The following COPG2 variants were observed in gnomAD, a reference collection of about 807,000 sequenced individuals.
COPG2 encodes coatomer subunit gamma-2.
In COPG2, 37 loss-of-function variants were observed where a neutral mutation model predicts 46.3. The observed-to-expected ratio is 0.80, with a 90% CI of 0.61 to 1.05. COPG2 has a LOEUF of 1.05. Among genes scored for constraint, COPG2 ranks in the 50% least tolerant of loss-of-function variants. The probability of loss-of-function intolerance (pLI) is 0.00; values close to 1 mark genes in which losing one functional copy is unlikely to be tolerated. For synonymous variants in COPG2, 159 were observed against 129.7 expected (o/e 1.23, Z -1.53); for missense variants, 427 against 387.8 (o/e 1.10, Z -0.85).
chr7:130,574,882 T>C (rs1793976497), intron 9 of COPG2, among the ~76,000 whole-genome samples: 1 of 152,084 alleles, frequency 6.6e-6, no homozygotes, highest in Admixed American at 6.6e-5. Context: ...CAGGAAGCAC[T>C]GGACACACTC....
intron 4 of COPG2, among the ~76,000 whole-genome samples, chr7:130,656,781 T>C (rs1249163447): frequency 1.3e-5 from 2 of 151,968 alleles, no homozygotes; most frequent in African/African-American, 4.8e-5. Context: ...TATAAAATAC[T>C]GCAGACAGAA....
chr7:130,525,146 C>T (rs1200653737), intron 20 of COPG2, among the ~76,000 whole-genome samples: 1 of 151,980 alleles, frequency 6.6e-6, no homozygotes, highest in East Asian at 1.9e-4. Context: ...CATGTTGGGT[C>T]ACGTAAGTGA....
At chr7:130,598,510 G>A (rs1168183551) in intron 9 of COPG2, among the ~76,000 whole-genome samples, 2 of 152,180 alleles carry the variant, frequency 1.3e-5, no homozygotes, top group Non-Finnish European at 2.9e-5. Flanking sequence ...CCTAAGCCCA[G>A]GAAACCGGAT....
intron 5 of COPG2, among the ~76,000 whole-genome samples, chr7:130,631,780 C>T (rs368547498): frequency 1.1e-3 from 172 of 152,178 alleles, no homozygotes; most frequent in African/African-American, 3.6e-3. Context: ...TTTAAAATTA[C>T]GTAAACAAGG....
chr7:130,641,175 CAAAAAA>C (rs34617870), intron 5 of COPG2, among the ~76,000 whole-genome samples: 15 of 87,928 alleles, frequency 1.7e-4, no homozygotes, highest in Middle Eastern at 5.9e-3. Context: ...CCCTACCTCT[CAAAAAA>C]AAAAAAAAAA....
At chr7:130,568,155 G>A (rs1793834579) in intron 9 of COPG2, among the ~76,000 whole-genome samples, 1 of 152,018 alleles carries the variant, frequency 6.6e-6, no homozygotes, top group Non-Finnish European at 1.5e-5. Context: ...GATGCCTGTA[G>A]TCCCAGCTAC....
Position 130,647,581 on chromosome 7 carries a change from C to T in COPG2, c.323+5288G>A, listed in dbSNP as rs570626575. On this transcript the variant is annotated intron_variant, in intron 5 of 23. Transcript: ENST00000425248. Reference sequence around the variant, plus strand: ...ATAAGAAACTGCCAAAACTTTTCTACGGTGGTTGTATCATTCTACATTCCT... The same window carrying T: ...ATAAGAAACTGCCAAAACTTTTCTATGGTGGTTGTATCATTCTACATTCCT... 1.4e-4 allele frequency among the ~76,000 whole-genome samples: 22 copies of T among 152,030 alleles called. 1 individual carries two copies. Among genetic ancestry groups the T allele is most frequent in the Admixed American group, 1.0e-3 (16 of 15,276 alleles).
intron 18 of COPG2, among the ~76,000 whole-genome samples, chr7:130,548,810 C>T (rs1035175346): frequency 6.3e-4 from 95 of 151,694 alleles, no homozygotes; most frequent in Non-Finnish European, 6.3e-4. Context: ...CCCAGCTACT[C>T]GGGAGGCTGA....
chr7:130,559,882 T>A (rs1793690057), intron 12 of COPG2, among the ~76,000 whole-genome samples: 1 of 152,164 alleles, frequency 6.6e-6, no homozygotes, highest in African/African-American at 2.4e-5. Context: ...TGACTGAGTA[T>A]AAAAAAAGAA....
At chr7:130,526,862 T>C (rs1176665138) in intron 20 of COPG2, among the ~76,000 whole-genome samples, 3 of 77,360 alleles carry the variant, frequency 3.9e-5, no homozygotes, top group Non-Finnish European at 8.0e-5. Flanking sequence ...GATTTGGGAT[T>C]GGGTTTGGGA....
intron 4 of COPG2, among the ~76,000 whole-genome samples, chr7:130,661,585 G>A (rs1255750607): frequency 6.6e-6 from 1 of 152,160 alleles, no homozygotes; most frequent in South Asian, 2.1e-4. Context: ...TTGATTGAAG[G>A]TATTAATGAC....
intron 9 of COPG2, chr7:130,605,782 T>C: frequency 1.9e-6 from 1 of 518,916 alleles, no homozygotes; most frequent in African/African-American, 1.9e-5. Context: ...ACCAACATCT[T>C]CACTTTAGCC....
At chr7:130,554,347 A>G (rs991492470) in intron 14 of COPG2, 134 bp downstream of exon 14, 10 of 395,064 alleles carry the variant, frequency 2.5e-5, no homozygotes, top group Non-Finnish European at 4.5e-5. Context: ...ACAAAGAAAG[A>G]TATCTGGGCC....
chr7:130,522,109 G>A (rs1043169613), intron 20 of COPG2, among the ~76,000 whole-genome samples: 4 of 152,170 alleles, frequency 2.6e-5, no homozygotes, highest in Non-Finnish European at 4.4e-5. Context: ...GCACCAGAAA[G>A]ACAGTGGTAA....
At chr7:130,509,021 A>G (rs529650053) in intron 20 of COPG2, 38 of 464,014 alleles carry the variant, frequency 8.2e-5, no homozygotes, top group African/African-American at 6.3e-4. Context: ...CTGCTGTAGG[A>G]CCTGACCAAA....
intron 12 of COPG2, among the ~76,000 whole-genome samples, chr7:130,555,651 ATACCG>A (rs1324016040): frequency 2.7e-5 from 4 of 148,886 alleles, no homozygotes; most frequent in Non-Finnish European, 6.0e-5. Flanking sequence ...ATATGGTGAA[ATACCG>A]TTTCTACTAA....
chr7:130,662,243 C>T (rs782411510), intron 4 of COPG2, among the ~76,000 whole-genome samples: 2 of 152,268 alleles, frequency 1.3e-5, no homozygotes, highest in African/African-American at 2.4e-5. Context: ...ACTCCTAAAA[C>T]CTCTCATTAT....
chr7:130,604,839 C>T (rs1207237507), intron 9 of COPG2: 2 of 441,304 alleles, frequency 4.5e-6, no homozygotes, highest in East Asian at 5.8e-5. Context: ...ATCATGTTCC[C>T]TTCCAGTCCT....
At chr7:130,621,330 C>T (rs1584585555) in intron 5 of COPG2, among the ~76,000 whole-genome samples, 1 of 152,292 alleles carries the variant, frequency 6.6e-6, no homozygotes, top group East Asian at 1.9e-4. Context: ...TTTTAAGTTA[C>T]TAAGTTTGTG....
Sources: allele counts gnomAD v4.1 joint callset (sites outside exome capture counted in the v4.1 genomes callset), GRCh38; gene constraint gnomAD v4.1.1; transcripts MANE v1.5; gene names NCBI Gene and HGNC (gene_info 2026-07-23, HGNC 2026-07-21).